Variants in MBTPS1 observed in about 807,000 individuals in gnomAD.
MBTPS1 encodes the protein membrane bound transcription factor peptidase, site 1, also known as membrane-bound transcription factor site-1 protease.
MBTPS1 carries 94 observed loss-of-function variants against 127.8 expected under a neutral mutation model. The ratio of observed to expected loss-of-function variants is 0.74; its 90% confidence interval spans 0.62 to 0.87. The LOEUF (loss-of-function observed/expected upper bound fraction) is 0.87, where lower values mean the gene tolerates loss of function less well. Among genes scored for constraint, MBTPS1 ranks in the 40% least tolerant of loss-of-function variants. The probability of loss-of-function intolerance (pLI) is 0.00; values close to 1 mark genes in which losing one functional copy is unlikely to be tolerated. For missense variants in MBTPS1, 1,636 were observed against 1,353.2 expected, an observed-to-expected ratio of 1.21 and a Z score of -3.28; for synonymous variants, 632 against 509.4, an observed-to-expected ratio of 1.24 and a Z score of -3.24.
chr16:84,092,573 C>G (rs962250668), intron 6 of MBTPS1, among the ~76,000 whole-genome samples: 1 of 152,100 alleles, frequency 6.6e-6, no homozygotes, highest in East Asian at 1.9e-4. Context: ...ACCTGCTGGA[C>G]GGGGACAGGG....
In MBTPS1 at chr16:84,070,572, T is replaced by G; in HGVS notation, c.1782+16A>C. On this transcript the variant is annotated intron_variant, in intron 13 of 22. Coordinates refer to ENST00000343411, the MANE Select transcript of MBTPS1 (RefSeq NM_003791.4). Reference sequence around the variant, plus strand: ...AAACAGCTAAGAAAACAAGCCACTTTCCCGCATATCCCTACCTCTGTCTCT... The same window carrying G: ...AAACAGCTAAGAAAACAAGCCACTTGCCCGCATATCCCTACCTCTGTCTCT... 1 of 1,608,428 alleles carries G rather than the reference T, an allele frequency of 6.2e-7. No homozygotes were observed. Among genetic ancestry groups the G allele is most frequent in the Non-Finnish European group, 8.5e-7 (1 of 1,178,782 alleles).
chr16:84,069,361 G>C (rs950874050), intron 14 of MBTPS1, among the ~76,000 whole-genome samples: 10 of 152,216 alleles, frequency 6.6e-5, no homozygotes, highest in African/African-American at 2.2e-4. Context: ...AGGGGGCTTG[G>C]CCGGGTGAGG....
At chr16:84,100,113 C>G (rs1437288881) in intron 2 of MBTPS1, among the ~76,000 whole-genome samples, 1 of 152,152 alleles carries the variant, frequency 6.6e-6, no homozygotes, top group Non-Finnish European at 1.5e-5. Context: ...GCACCTGTTC[C>G]AAAGAATCAA....
At position 84,059,344 on chromosome 16, in the gene MBTPS1, A is replaced by C. The variant is rs1197418589; in HGVS notation, c.2789T>G (p.Leu930Trp). The C allele has an allele frequency of 1.5e-5, 25 of 1,614,038 alleles. No individual in the cohort carries two copies. The highest frequency in any genetic ancestry group is 2.1e-5 in the Non-Finnish European group (25 of 1,180,010). The change falls in exon 21 of 23, where the codon TTG becomes TGG. Residue 930 changes from leucine to tryptophan, a missense_variant. Physicochemically the swap from Leu to Trp is moderately conservative, Grantham distance 61. Coordinates refer to ENST00000343411, the MANE Select transcript of MBTPS1 (RefSeq NM_003791.4). The stretch of plus-strand genomic sequence containing the variant: ...TAAAGGCTGTGGCTTGGCCCAAGAC[A>C]AGCGTGGACAGGCTGGTAGAGGCCG... ...KPRPLPACPRLSWAKPQPLNE... is the reference protein window; with the variant it reads ...KPRPLPACPRWSWAKPQPLNE...
At chr16:84,101,076 G>A (rs373158537) in intron 2 of MBTPS1, among the ~76,000 whole-genome samples, 13 of 151,728 alleles carry the variant, frequency 8.6e-5, no homozygotes, top group South Asian at 4.2e-4. Flanking sequence ...CAAGGCAGGC[G>A]GATCACGAGG....
At chr16:84,076,821 C>G (rs1386842534) in intron 11 of MBTPS1, among the ~76,000 whole-genome samples, 1 of 152,182 alleles carries the variant, frequency 6.6e-6, no homozygotes. Flanking sequence ...AATATTACTT[C>G]TAAGTTCATT....
intron 11 of MBTPS1, chr16:84,075,371 G>C (rs908446132): frequency 2.0e-5 from 3 of 152,282 alleles, no homozygotes; most frequent in Non-Finnish European, 2.9e-5. Flanking sequence ...GCTGACACAA[G>C]TGCTCTGGCA....
chr16:84,097,755 T>C (rs1399945226), intron 3 of MBTPS1, among the ~76,000 whole-genome samples: 2 of 152,122 alleles, frequency 1.3e-5, no homozygotes, highest in African/African-American at 4.8e-5. Flanking sequence ...ATACATAACA[T>C]CTGGAGTAGC....
chr16:84,054,748 TTTCAC>T, intron 22 of MBTPS1, 103 bp from the exon 23 acceptor site: 1 of 854,992 alleles, frequency 1.2e-6, no homozygotes, highest in Non-Finnish European at 1.7e-6. Flanking sequence ...TGCGAGCTAA[TTTCAC>T]TAGCTGGGCT....
intron 10 of MBTPS1, among the ~76,000 whole-genome samples, chr16:84,084,751 A>G (rs1365405503): frequency 6.6e-6 from 1 of 152,244 alleles, no homozygotes. Context: ...GCCTATCAGC[A>G]CTTTGTTTAC....
chr16:84,098,256 G>A (rs994617348), intron 3 of MBTPS1, among the ~76,000 whole-genome samples: 2 of 152,084 alleles, frequency 1.3e-5, no homozygotes, highest in African/African-American at 4.8e-5. Context: ...GACCATTCCT[G>A]GTCAGGAGGC....
At chr16:84,056,275 C>G in intron 21 of MBTPS1, 140 bp from the exon 22 acceptor site, 2 of 642,958 alleles carry the variant, frequency 3.1e-6, no homozygotes, top group Non-Finnish European at 2.6e-6. Context: ...TCCACGGCCA[C>G]CTAAATGCCA....
chr16:84,095,853 A>G (rs747212274), intron 3 of MBTPS1, 48 bp from the exon 4 acceptor site: 41 of 1,504,924 alleles, frequency 2.7e-5, no homozygotes, highest in Non-Finnish European at 3.8e-5. Context: ...AAAACGAACT[A>G]CACGATACCC....
chr16:84,060,179 C>T (rs2085588270), intron 20 of MBTPS1: 1 of 154,038 alleles, frequency 6.5e-6, no homozygotes, highest in South Asian at 2.0e-4. Flanking sequence ...TCCACCACCA[C>T]ATACCGCCCA....
In MBTPS1 at chr16:84,069,966, G is replaced by C. The variant is rs1277146482; in HGVS notation, c.1855C>G (p.Arg619Gly). ...IKVKIIPTPP[R>G]SKRVLWDQYH... Reference sequence around the variant, plus strand: ...TGATCCCAGAGAACTCTCTTGCTTCGCGGGGGAGTAGGAATTATCTTCACC... The same window carrying C: ...TGATCCCAGAGAACTCTCTTGCTTCCCGGGGGAGTAGGAATTATCTTCACC... The change falls in exon 14 of 23, where the codon CGA (arginine) becomes GGA (glycine). Residue 619 changes from arginine (R) to glycine (G), a missense_variant. Coordinates refer to ENST00000343411, the MANE Select transcript of MBTPS1 (RefSeq NM_003791.4). 6.2e-7 allele frequency: 1 copy of C among 1,614,032 alleles called. No homozygotes were observed. The highest frequency in any genetic ancestry group is 1.7e-5 in the Admixed American group (1 of 60,018).
At position 84,085,052 on chromosome 16, in the gene MBTPS1, C is replaced by A. The variant is rs753454359; in HGVS notation, c.1217G>T (p.Gly406Val). The A allele has an allele frequency of 5.0e-6, 8 of 1,614,164 alleles. No homozygotes were observed. Among genetic ancestry groups the A allele is most frequent in the Non-Finnish European group, 6.8e-6 (8 of 1,180,022 alleles). ...ACTGGTCCCTGAGAGGGCCCGGCAC[C>A]CCCCTTTCACGCCAGAACCCCGCAC... ...AGVRGSGVKG[G>V]CRALSGTSVA... is the part of the protein sequence containing the mutation. The change falls in exon 10 of 23, where the codon GGG becomes GTG. Residue 406 changes from glycine (G) to valine (V), a missense_variant. Physicochemically the swap from Gly to Val is moderately radical, Grantham distance 109. Transcript: ENST00000343411.
At chr16:84,081,711 GGAGA>G in intron 11 of MBTPS1, 32 bp downstream of exon 11, 2 of 1,320,556 alleles carry the variant, frequency 1.5e-6, no homozygotes, top group Non-Finnish European at 2.0e-6. Context: ...GCCCAGTGAA[GGAGA>G]GAAAGACCCA....
At chr16:84,110,370 T>C (rs1047206983) in intron 1 of MBTPS1, among the ~76,000 whole-genome samples, 4 of 152,220 alleles carry the variant, frequency 2.6e-5, no homozygotes, top group African/African-American at 9.7e-5. Flanking sequence ...AAGTAACATT[T>C]TGACAGAAAA....
chr16:84,094,253 G>A (rs1480252155), intron 4 of MBTPS1, among the ~76,000 whole-genome samples: 2 of 151,954 alleles, frequency 1.3e-5, no homozygotes, highest in Admixed American at 6.6e-5. Context: ...ACACACCCAA[G>A]GAGCGGGACA....
Sources: gnomAD v4.1 joint callset for allele counts (sites outside exome capture counted in the v4.1 genomes callset) on GRCh38, gnomAD v4.1.1 for gene constraint, MANE v1.5 for transcripts, NCBI Gene and HGNC (gene_info 2026-07-23, HGNC 2026-07-21) for gene names.